AKAP6: variants seen among roughly 807,000 people sequenced by gnomAD.
AKAP6 encodes the protein A-kinase anchor protein 6.
Under a neutral mutation model 188.5 loss-of-function variants are expected in AKAP6, and 58 were observed. The observed-to-expected ratio is 0.31, with a 90% CI of 0.25 to 0.38. The LOEUF is 0.38. Ranked by LOEUF, AKAP6 falls within the 10% of genes least tolerant of loss-of-function variation. The pLI is 1.00. For synonymous variants in AKAP6, 989 were observed against 998.6 expected (o/e 0.99, Z 0.18); for missense variants, 2,710 against 2,740.0 (o/e 0.99, Z 0.24).
chr14:32,610,525 A>G (rs966431949), intron 7 of AKAP6, among the ~76,000 whole-genome samples: 20 of 151,850 alleles, frequency 1.3e-4, no homozygotes, highest in African/African-American at 4.9e-4. Flanking sequence ...AGCAGTGGAG[A>G]CAGATGTGCA....
chr14:32,801,184 A>G (rs2033938105), intron 12 of AKAP6, among the ~76,000 whole-genome samples: 1 of 152,000 alleles, frequency 6.6e-6, no homozygotes, highest in Admixed American at 6.6e-5. Context: ...ATTAGTAACT[A>G]TGTTTATTCA....
At chr14:32,463,884 A>G (rs1162531987) in intron 2 of AKAP6, among the ~76,000 whole-genome samples, 1 of 152,190 alleles carries the variant, frequency 6.6e-6, no homozygotes, top group Non-Finnish European at 1.5e-5. Context: ...AGAATCAAAT[A>G]GACACAATAA....
intron 12 of AKAP6, among the ~76,000 whole-genome samples, chr14:32,809,648 C>T (rs1052993906): frequency 3.3e-5 from 5 of 152,116 alleles, no homozygotes; most frequent in African/African-American, 9.7e-5. Context: ...ACACACAGCT[C>T]ATCTAGTGGC....
intron 1 of AKAP6, among the ~76,000 whole-genome samples, chr14:32,336,090 G>A (rs1464454789): frequency 6.6e-6 from 1 of 151,778 alleles, no homozygotes; most frequent in Admixed American, 6.6e-5. Context: ...CCTTATGGTG[G>A]GTGAAACATT....
At chr14:32,382,635 C>T (rs553328568) in intron 1 of AKAP6, among the ~76,000 whole-genome samples, 1 of 152,098 alleles carries the variant, frequency 6.6e-6, no homozygotes, top group African/African-American at 2.4e-5. Context: ...CTTTTCATCT[C>T]AGAATGAAAA....
intron 1 of AKAP6, among the ~76,000 whole-genome samples, chr14:32,412,860 T>G (rs1889532236): frequency 1.3e-5 from 2 of 152,144 alleles, no homozygotes; most frequent in Non-Finnish European, 2.9e-5. Context: ...CAAATACAAA[T>G]GCCTTTGGTT....
chr14:32,352,096 TGTGTGTTTGTGTG>T (rs1887297320), intron 1 of AKAP6, among the ~76,000 whole-genome samples: 1 of 105,528 alleles, frequency 9.5e-6, no homozygotes. Context: ...TGTGTGTGTG[TGTGTGTTTGTGTG>T]TGTGTGTGTG....
At chr14:32,416,660 T>G (rs1162081852) in intron 1 of AKAP6, among the ~76,000 whole-genome samples, 1 of 151,846 alleles carries the variant, frequency 6.6e-6, no homozygotes, top group Non-Finnish European at 1.5e-5. Flanking sequence ...GTTCAAGTGA[T>G]TCTCCTGCCT....
At chr14:32,663,264 C>A (rs1364438949) in intron 7 of AKAP6, among the ~76,000 whole-genome samples, 1 of 152,052 alleles carries the variant, frequency 6.6e-6, no homozygotes, top group East Asian at 1.9e-4. Context: ...ACTTTCCCTG[C>A]CTTCCCTTTT....
intron 1 of AKAP6, among the ~76,000 whole-genome samples, chr14:32,337,199 G>A (rs541390142): frequency 3.3e-5 from 5 of 152,112 alleles, no homozygotes; most frequent in East Asian, 1.9e-4. Context: ...GAAAACAGGC[G>A]TGCAAGTACA....
At chr14:32,770,040 T>C (rs1270546471) in intron 11 of AKAP6, among the ~76,000 whole-genome samples, 1 of 152,178 alleles carries the variant, frequency 6.6e-6, no homozygotes, top group Non-Finnish European at 1.5e-5. Context: ...TATTGCACAT[T>C]TGCTCAATAA....
intron 1 of AKAP6, among the ~76,000 whole-genome samples, chr14:32,379,203 A>C (rs892007752): frequency 6.6e-6 from 1 of 152,168 alleles, no homozygotes; most frequent in African/African-American, 2.4e-5. Flanking sequence ...TACAGGTGTG[A>C]GCCACTGCGC....
chr14:32,438,730 C>T (rs989155637), intron 2 of AKAP6: 1 of 152,168 alleles, frequency 6.6e-6, no homozygotes, highest in Non-Finnish European at 1.5e-5. Context: ...AATTTAGAAT[C>T]TCTCCGCCTT....
At chr14:32,412,338 C>T (rs1047215799) in intron 1 of AKAP6, among the ~76,000 whole-genome samples, 1 of 152,108 alleles carries the variant, frequency 6.6e-6, no homozygotes. Flanking sequence ...GAGTGAGACA[C>T]CATGTAGGAT....
intron 11 of AKAP6, among the ~76,000 whole-genome samples, chr14:32,756,963 G>A (rs897026737): frequency 6.6e-6 from 1 of 152,126 alleles, no homozygotes; most frequent in South Asian, 2.1e-4. Flanking sequence ...GTCCATGAGT[G>A]CCAAGCTGTA....
intron 9 of AKAP6, among the ~76,000 whole-genome samples, chr14:32,722,004 T>G (rs1002527933): frequency 6.6e-6 from 1 of 152,212 alleles, no homozygotes; most frequent in Non-Finnish European, 1.5e-5. Context: ...GTGTTCCTAC[T>G]CAAGCTTCAG....
intron 12 of AKAP6, among the ~76,000 whole-genome samples, chr14:32,811,788 G>T (rs2034243065): frequency 6.6e-6 from 1 of 152,134 alleles, no homozygotes; most frequent in Admixed American, 6.5e-5. Context: ...AGGCTTTTCA[G>T]GTAAACCCAC....
chr14:32,357,481 G>C (rs1887520607), intron 1 of AKAP6, among the ~76,000 whole-genome samples: 1 of 152,170 alleles, frequency 6.6e-6, no homozygotes, highest in Admixed American at 6.5e-5. Context: ...TGTTTATCGA[G>C]TTGAGGTTAG....
chr14:32,797,339 A>G (rs1328597748), intron 12 of AKAP6, among the ~76,000 whole-genome samples: 2 of 152,232 alleles, frequency 1.3e-5, no homozygotes, highest in South Asian at 2.1e-4. Context: ...CACTATTCAC[A>G]GTAGCAAAGA....
Sources: allele counts gnomAD v4.1 joint callset (sites outside exome capture counted in the v4.1 genomes callset), GRCh38; gene constraint gnomAD v4.1.1; transcripts MANE v1.5; gene names NCBI Gene and HGNC (gene_info 2026-07-23, HGNC 2026-07-21).